Variants in PACRGL observed in about 807,000 individuals in gnomAD.
The protein encoded by PACRGL is parkin coregulated like.
In PACRGL, 38 loss-of-function variants were observed where a neutral mutation model predicts 34.5. The observed-to-expected ratio is 1.10, with a 90% CI of 0.85 to 1.44. PACRGL has a LOEUF of 1.44. PACRGL is among the 40% of genes most tolerant of loss of function. PACRGL has a pLI of 0.00. For synonymous variants in PACRGL, 128 were observed against 100.1 expected, an observed-to-expected ratio of 1.28 and a Z score of -1.66; for missense variants, 305 against 281.4, an observed-to-expected ratio of 1.08 and a Z score of -0.60.
Position 20,730,184 on chromosome 4 carries a change from C to T in PACRGL, c.*2843C>T. On this transcript the variant is annotated 3_prime_UTR_variant, in exon 9 of 9. Coordinates refer to ENST00000503585, the MANE Select transcript of PACRGL (RefSeq NM_001258345.3). ...TTCAGCATATCTGCAAGGAAAAGTA[C>T]ACTATTTTGCCCCTGAGTATTGCCT... 6.4e-7 allele frequency: 1 copy of T among 1,551,764 alleles called. No individual in the cohort carries two copies. The highest frequency in any genetic ancestry group is 2.3e-5 in the East Asian group (1 of 42,680).
chr4:20,740,024 C>A (rs1028797217), intron 8 of PACRGL, among the ~76,000 whole-genome samples: 14 of 151,788 alleles, frequency 9.2e-5, no homozygotes, highest in African/African-American at 3.4e-4. Flanking sequence ...TGAAATGAAG[C>A]GAGAAGAGAA....
chr4:20,747,099 C>T (rs2149327845), intron 8 of PACRGL, among the ~76,000 whole-genome samples: 1 of 152,268 alleles, frequency 6.6e-6, no homozygotes, highest in African/African-American at 2.4e-5. Flanking sequence ...ATCATTACAA[C>T]TAATTTCCCA....
downstream of PACRGL, among the ~76,000 whole-genome samples, chr4:20,756,444 A>G (rs1754457892): frequency 6.6e-6 from 1 of 152,064 alleles, no homozygotes; most frequent in African/African-American, 2.4e-5. Flanking sequence ...CTTCTTTACC[A>G]GTCTTCCCTG....
chr4:20,716,490 C>T (rs2149127963), intron 7 of PACRGL, among the ~76,000 whole-genome samples: 1 of 152,072 alleles, frequency 6.6e-6, no homozygotes, highest in Non-Finnish European at 1.5e-5. Flanking sequence ...TAATGGTATC[C>T]CTCCCCCGAC....
chr4:20,723,610 G>A (rs985014208), intron 7 of PACRGL, among the ~76,000 whole-genome samples: 7 of 152,222 alleles, frequency 4.6e-5, no homozygotes, highest in African/African-American at 4.8e-5. Context: ...TCCCACCTCC[G>A]ATGGCAGAAA....
At chr4:20,756,761 T>A (rs145161141), downstream of PACRGL, among the ~76,000 whole-genome samples, 504 of 152,198 alleles carry the variant, frequency 3.3e-3, 1 homozygote, top group Middle Eastern at 0.017. Context: ...TTACTGGACT[T>A]CATCATTTCA....
intron 4 of PACRGL, among the ~76,000 whole-genome samples, chr4:20,709,080 G>A (rs1459109282): frequency 2.6e-5 from 4 of 152,062 alleles, no homozygotes; most frequent in Non-Finnish European, 4.4e-5. Context: ...CGGAGGTTGC[G>A]GTGAGCCAAG....
At chr4:20,707,641 G>A (rs1186002843) in intron 3 of PACRGL, among the ~76,000 whole-genome samples, 162 bp from the exon 4 acceptor site, 2 of 152,176 alleles carry the variant, frequency 1.3e-5, no homozygotes, top group Non-Finnish European at 2.9e-5. Context: ...AAGTGTGGTC[G>A]TGGTATTCTA....
chr4:20,703,582 A>G (rs1315341643), intron 1 of PACRGL, among the ~76,000 whole-genome samples: 1 of 151,764 alleles, frequency 6.6e-6, no homozygotes, highest in African/African-American at 2.4e-5. Flanking sequence ...ACCTTGGGGT[A>G]TGAACTAGAG....
At chr4:20,738,803 A>T (rs7660187) in intron 8 of PACRGL, among the ~76,000 whole-genome samples, 67 of 152,030 alleles carry the variant, frequency 4.4e-4, no homozygotes, top group African/African-American at 1.5e-3. Context: ...CGCCTCACCC[A>T]GGAAGCGCAA....
chr4:20,730,630 T>C lies in PACRGL; in HGVS notation c.*3289T>C, dbSNP rs185686061. Among the ~76,000 whole-genome samples the C allele has an allele frequency of 2.0e-5, 3 of 152,262 alleles. No individual in the cohort carries two copies. Among genetic ancestry groups the C allele is most frequent in the Non-Finnish European group, 2.9e-5 (2 of 68,016 alleles). On this transcript the variant is annotated 3_prime_UTR_variant, in exon 9 of 9. Transcript: ENST00000503585. ...ACATGTTTGCAGTAATCATCTCTCT[T>C]TCTGTCTGCTAGTTATGGCTAAAGC...
chr4:20,758,822 T>C, the PACRGL span: 1 of 1,610,628 alleles, frequency 6.2e-7, no homozygotes, highest in South Asian at 1.1e-5. Flanking sequence ...TGTACTTACC[T>C]CCCTGTGGAA....
At position 20,716,389 on chromosome 4, in the gene PACRGL, T is replaced by A. The variant is rs150151310; in HGVS notation, c.609+2850T>A. 589 of 575,652 alleles carry A rather than the reference T, an allele frequency of 1.0e-3. 2 individuals are homozygous for A. The highest frequency in any genetic ancestry group is 0.01 in the African/African-American group (539 of 52,934). 35.7% of individuals were successfully genotyped at this position (575,652 alleles called of 1,614,324 possible). ...TATACTTTAAGTTCTAGGGTACATG[T>A]GCACAACGTGCAGGTTTGTTACGTA... On this transcript the variant is annotated intron_variant, in intron 7 of 8. Coordinates refer to ENST00000503585, the MANE Select transcript of PACRGL (RefSeq NM_001258345.3).
downstream of PACRGL, chr4:20,732,705 T>C (rs151298217): frequency 4.3e-6 from 7 of 1,611,832 alleles, no homozygotes; most frequent in African/African-American, 8.0e-5. Context: ...CAACGTGTTG[T>C]CTGGGAGCAT....
At chr4:20,743,007 GGGATGTGAAGGACCCTTATAA>G (rs1453949630) in intron 8 of PACRGL, among the ~76,000 whole-genome samples, 1 of 140,988 alleles carries the variant, frequency 7.1e-6, no homozygotes, top group Non-Finnish European at 1.5e-5. Flanking sequence ...CAACTTATAT[GGGATGTGAAGGACCCTTATAA>G]GGGTGTGAAG....
the PACRGL span, among the ~76,000 whole-genome samples, chr4:20,760,868 G>T: frequency 2.0e-5 from 3 of 152,210 alleles, no homozygotes; most frequent in African/African-American, 7.2e-5. Context: ...CAAGTGAACT[G>T]TGATGGTTGA....
the PACRGL span, chr4:20,767,152 T>C: frequency 1.3e-5 from 2 of 152,186 alleles, no homozygotes; most frequent in African/African-American, 4.8e-5. Context: ...CAAGGATAAA[T>C]CATATTTATC....
At chr4:20,733,480 T>A (rs1748844918), downstream of PACRGL, among the ~76,000 whole-genome samples, 1 of 152,178 alleles carries the variant, frequency 6.6e-6, no homozygotes, top group South Asian at 2.1e-4. Flanking sequence ...CTCAATTAGG[T>A]TAATACAGAG....
At chr4:20,727,229 C>A in intron 8 of PACRGL, 56 bp from the exon 9 acceptor site, 1 of 1,422,618 alleles carries the variant, frequency 7.0e-7, no homozygotes, top group Non-Finnish European at 9.9e-7. Flanking sequence ...AAATATAATA[C>A]CTATTAGGGG....
Sources: allele counts gnomAD v4.1 joint callset (sites outside exome capture counted in the v4.1 genomes callset), GRCh38; gene constraint gnomAD v4.1.1; transcripts MANE v1.5; gene names NCBI Gene and HGNC (gene_info 2026-07-23, HGNC 2026-07-21).